Variants in SUPT6H observed in about 807,000 individuals in gnomAD.
SUPT6H encodes the protein SPT6 homolog, histone chaperone and transcription elongation factor.
SUPT6H carries 11 observed loss-of-function variants against 222.3 expected under a neutral mutation model. The ratio of observed to expected loss-of-function variants is 0.05; its 90% CI spans 0.03 to 0.08. The LOEUF is 0.08. Among genes scored for constraint, SUPT6H ranks in the 10% least tolerant of loss-of-function variants. The probability of loss-of-function intolerance (pLI) is 1.00; values close to 1 mark genes in which losing one functional copy is unlikely to be tolerated. For synonymous variants in SUPT6H, 762 were observed against 801.2 expected, an observed-to-expected ratio of 0.95 and a Z score of 0.83; for missense variants, 1,422 against 2,216.0, an observed-to-expected ratio of 0.64 and a Z score of 7.19.
At chr17:28,667,536 T>A (rs576773348) in intron 1 of SUPT6H, among the ~76,000 whole-genome samples, 2 of 147,286 alleles carry the variant, frequency 1.4e-5, no homozygotes, top group Non-Finnish European at 3.0e-5. Context: ...TGTGTGTGTT[T>A]TATATATATA....
chr17:28,692,724 G>A (rs181772924), intron 27 of SUPT6H, among the ~76,000 whole-genome samples: 2 of 148,112 alleles, frequency 1.4e-5, no homozygotes, highest in Admixed American at 6.7e-5. Context: ...AGGCTTAACC[G>A]GGTGCAGTGG....
Position 28,677,735 on chromosome 17 carries a change from G to A in SUPT6H, c.918G>A (p.Lys306=). The change falls in exon 8 of 37, where the codon AAG becomes AAA. Residue 306 remains lysine, a synonymous_variant. Coordinates refer to ENST00000314616, the MANE Select transcript of SUPT6H (RefSeq NM_003170.5). ...ERFQLRSIPV[K]GAEDDELEEE... ...TCCAGCTCCGCTCCATCCCAGTCAA[G>A]GGGGCTGAAGATGATGAACTAGAAG... 5.0e-6 allele frequency: 8 copies of A among 1,614,176 alleles called. No homozygotes were observed. Among genetic ancestry groups the A allele is most frequent in the Non-Finnish European group, 6.8e-6 (8 of 1,180,006 alleles).
chr17:28,687,862 A>G (rs2031466879), intron 23 of SUPT6H, among the ~76,000 whole-genome samples: 1 of 150,962 alleles, frequency 6.6e-6, no homozygotes. Context: ...TTAGTTGTAT[A>G]TGGTCTTTGG....
At chr17:28,675,789 T>C (rs1334522332) in intron 6 of SUPT6H, among the ~76,000 whole-genome samples, 10 of 152,206 alleles carry the variant, frequency 6.6e-5, no homozygotes, top group Non-Finnish European at 1.5e-5. Flanking sequence ...ATTCTTAATA[T>C]ATTTTTGTTG....
chr17:28,662,643 G>A (rs2072078483), intron 1 of SUPT6H, among the ~76,000 whole-genome samples: 2 of 152,212 alleles, frequency 1.3e-5, no homozygotes. Flanking sequence ...CACGCAAAAG[G>A]ATTGGGGATG....
intron 4 of SUPT6H, 140 bp downstream of exon 4, chr17:28,674,753 G>T: frequency 2.2e-6 from 2 of 898,892 alleles, no homozygotes; most frequent in Non-Finnish European, 3.5e-6. Flanking sequence ...GTACTACGGA[G>T]CCTAGATTTG....
At chr17:28,698,941 C>G (rs1358910424) in intron 32 of SUPT6H, among the ~76,000 whole-genome samples, 2 of 151,724 alleles carry the variant, frequency 1.3e-5, no homozygotes, top group Non-Finnish European at 2.9e-5. Context: ...GTTGAGCAAA[C>G]TGGTGGCGGG....
At chr17:28,667,343 C>A (rs2030088762) in intron 1 of SUPT6H, among the ~76,000 whole-genome samples, 1 of 126,506 alleles carries the variant, frequency 7.9e-6, no homozygotes, top group Admixed American at 9.2e-5. Context: ...TGCACTCCAG[C>A]CTGGGTAACT....
intron 29 of SUPT6H, among the ~76,000 whole-genome samples, chr17:28,696,585 C>CAAAAA (rs368924462): frequency 1.9e-5 from 1 of 54,026 alleles, no homozygotes; most frequent in Non-Finnish European, 3.7e-5. Flanking sequence ...GAGACTGTCT[C>CAAAAA]AAAAAAAAAA....
intron 2 of SUPT6H, 57 bp from the exon 3 acceptor site, chr17:28,674,226 C>T (rs1053742083): frequency 1.1e-5 from 17 of 1,603,508 alleles, no homozygotes; most frequent in Non-Finnish European, 1.4e-5. Context: ...AATCAAGTGA[C>T]CCTGAACCTC....
In SUPT6H at chr17:28,678,595, C is replaced by T. The variant is rs1206588205; in HGVS notation, c.1167C>T (p.His389=). Residue 389 remains histidine, a synonymous_variant, in exon 10 of 37, where the codon CAC becomes CAT. Coordinates refer to ENST00000314616, the MANE Select transcript of SUPT6H (RefSeq NM_003170.5). ...YRKEYVEPEL[H]INDLWRVWQW... is the part of the protein sequence containing the mutation. The stretch of plus-strand genomic sequence containing the variant: ...AGGAGTATGTGGAGCCTGAGTTGCA[C>T]ATCAATGACCTATGGAGAGTCTGGC... The T allele has an allele frequency of 3.7e-6, 6 of 1,614,050 alleles. No homozygotes were observed. In the African/African-American group the frequency reaches 6.7e-5, roughly 18 times the overall value.
intron 20 of SUPT6H, 87 bp from the exon 21 acceptor site, chr17:28,686,567 C>A (rs1008791638): frequency 4.5e-6 from 7 of 1,541,166 alleles, no homozygotes; most frequent in Non-Finnish European, 6.1e-6. Flanking sequence ...AAAGCCCTTT[C>A]CTCCCCTACC....
intron 28 of SUPT6H, 59 bp downstream of exon 28, chr17:28,693,895 C>CT: frequency 6.2e-7 from 1 of 1,609,376 alleles, no homozygotes; most frequent in Non-Finnish European, 8.5e-7. Context: ...GATCAGGTCT[C>CT]TTTAACTTTG....
intron 4 of SUPT6H, 89 bp downstream of exon 4, chr17:28,674,702 G>A (rs1365098826): frequency 7.9e-7 from 1 of 1,260,752 alleles, no homozygotes; most frequent in South Asian, 1.2e-5. Context: ...GCACACGCAG[G>A]ACAGTTTGGA....
chr17:28,701,224 T>C (rs1267406321), intron 36 of SUPT6H, 96 bp downstream of exon 36: 1 of 1,492,286 alleles, frequency 6.7e-7, no homozygotes, highest in Non-Finnish European at 9.0e-7. Context: ...CTCTGGATCC[T>C]CTGAGGGCCC....
intron 7 of SUPT6H, 24 bp from the exon 8 acceptor site, chr17:28,677,691 A>G: frequency 6.4e-7 from 1 of 1,572,506 alleles, no homozygotes; most frequent in African/African-American, 1.4e-5. Flanking sequence ...AGTCCGTCTC[A>G]CCCTGTTGTC....
At chr17:28,697,132 G>T (rs548963509) in intron 30 of SUPT6H, 50 bp downstream of exon 30, 1 of 1,567,494 alleles carries the variant, frequency 6.4e-7, no homozygotes, top group Non-Finnish European at 8.8e-7. Flanking sequence ...CTTCCAGAAA[G>T]GTGCCCTTCA....
intron 1 of SUPT6H, among the ~76,000 whole-genome samples, chr17:28,667,407 A>G (rs1407021180): frequency 0.029 from 2,154 of 75,212 alleles, 28 homozygotes; most frequent in African/African-American, 0.061. Flanking sequence ...GTGTGTGTGT[A>G]TATATATATA....
At chr17:28,690,494 G>A (rs747866387) in intron 26 of SUPT6H, among the ~76,000 whole-genome samples, 26 of 152,220 alleles carry the variant, frequency 1.7e-4, no homozygotes, top group Non-Finnish European at 3.7e-4. Flanking sequence ...CAGGGGAACG[G>A]CCAGGCACAG....
Sources: allele counts gnomAD v4.1 joint callset (sites outside exome capture counted in the v4.1 genomes callset), GRCh38; gene constraint gnomAD v4.1.1; transcripts MANE v1.5; gene names NCBI Gene and HGNC (gene_info 2026-07-23, HGNC 2026-07-21).